The following AGBL4 variants were observed in gnomAD, a reference collection of about 807,000 sequenced individuals.
The protein encoded by AGBL4 is AGBL carboxypeptidase 4.
Under a neutral mutation model 66.4 loss-of-function variants are expected in AGBL4, and 58 were observed. That is an observed-to-expected ratio of 0.87 (90% CI 0.71 to 1.09). The LOEUF is 1.09. Among genes scored for constraint, AGBL4 ranks in the 50% least tolerant of loss-of-function variants. AGBL4 has a pLI of 0.00. For synonymous variants in AGBL4, 234 were observed against 222.9 expected (o/e 1.05, Z -0.44); for missense variants, 579 against 631.0 (o/e 0.92, Z 0.88).
At chr1:49,797,120 T>C (rs1644750706) in intron 2 of AGBL4, among the ~76,000 whole-genome samples, 1 of 152,230 alleles carries the variant, frequency 6.6e-6, no homozygotes, top group South Asian at 2.1e-4. Context: ...GCAAATTTTT[T>C]ATCAACTTTC....
Position 49,635,451 on chromosome 1 carries a change from TA to T in AGBL4, c.282+61861del, listed in dbSNP as rs537404664. Among the ~76,000 whole-genome samples the T allele has an allele frequency of 3.4e-4, 52 of 151,732 alleles. 1 individual carries two copies. In the South Asian group the frequency reaches 9.5e-3, roughly 28 times the overall value. ...ATGTCAAAAGACACCATTTAAAGAA[TA>T]AAAAACAAGCCACAATGTAGAATAA... On this transcript the variant is annotated intron_variant, in intron 3 of 13. Coordinates refer to ENST00000371839, the MANE Select transcript of AGBL4 (RefSeq NM_032785.4).
At chr1:49,763,889 C>T (rs1294161988) in intron 2 of AGBL4, among the ~76,000 whole-genome samples, 1 of 152,130 alleles carries the variant, frequency 6.6e-6, no homozygotes, top group Non-Finnish European at 1.5e-5. Context: ...CAGCAGCAGT[C>T]CTGAGGAGTG....
At chr1:49,155,675 G>A (rs928919785) in intron 4 of AGBL4, among the ~76,000 whole-genome samples, 8 of 152,130 alleles carry the variant, frequency 5.3e-5, no homozygotes, top group Admixed American at 2.0e-4. Flanking sequence ...ATGTCAGGGG[G>A]CATCTTCTCA....
chr1:49,338,022 T>A (rs1229528320), intron 3 of AGBL4, among the ~76,000 whole-genome samples: 1 of 152,198 alleles, frequency 6.6e-6, no homozygotes, highest in East Asian at 1.9e-4. Flanking sequence ...TCAATCTGAA[T>A]CAGTTAAATT....
In AGBL4 at chr1:49,541,316, T is replaced by A. The variant is rs998972271; in HGVS notation, c.282+155997A>T. 1.6e-4 allele frequency among the ~76,000 whole-genome samples: 25 copies of A among 152,176 alleles called. No individual in the cohort carries two copies. The South Asian group carries it at 3.5e-3, about 21-fold the overall frequency. ...GAGGTCAGAGCCGCCTCCCTCTGCT[T>A]GCAGAGAGGTGTGGAGGGAGAGGCG... On this transcript the variant is annotated intron_variant, in intron 3 of 13. Coordinates refer to ENST00000371839, the MANE Select transcript of AGBL4 (RefSeq NM_032785.4).
intron 1 of AGBL4, among the ~76,000 whole-genome samples, chr1:49,882,420 T>G (rs1647479906): frequency 6.6e-6 from 1 of 151,468 alleles, no homozygotes; most frequent in African/African-American, 2.4e-5. Flanking sequence ...TCCAATTCTG[T>G]GAAGAAAGTC....
intron 3 of AGBL4, among the ~76,000 whole-genome samples, chr1:49,514,270 G>A (rs909791695): frequency 1.3e-5 from 2 of 152,016 alleles, no homozygotes; most frequent in South Asian, 4.2e-4. Context: ...AATAGGAGTG[G>A]TGACAGAGGG....
chr1:49,091,628 C>T (rs1055852911), intron 4 of AGBL4, among the ~76,000 whole-genome samples: 3 of 151,978 alleles, frequency 2.0e-5, no homozygotes, highest in Non-Finnish European at 4.4e-5. Flanking sequence ...TGGTGATTTC[C>T]CAAAGAACTT....
intron 6 of AGBL4, among the ~76,000 whole-genome samples, chr1:48,800,655 C>G (rs1161710047): frequency 6.6e-6 from 1 of 152,192 alleles, no homozygotes; most frequent in African/African-American, 2.4e-5. Flanking sequence ...CATAGCACCA[C>G]TTTTGCTGTA....
At chr1:48,872,521 G>T (rs1344334056) in intron 5 of AGBL4, among the ~76,000 whole-genome samples, 5 of 152,134 alleles carry the variant, frequency 3.3e-5, no homozygotes, top group African/African-American at 7.2e-5. Flanking sequence ...GAAAAGCCCA[G>T]CTACTGCAGC....
At chr1:48,611,377 C>T (rs899892570) in intron 9 of AGBL4, among the ~76,000 whole-genome samples, 25 of 152,210 alleles carry the variant, frequency 1.6e-4, no homozygotes, top group Admixed American at 2.0e-4. Context: ...GCTGATCTTG[C>T]CCTGAGGGCA....
chr1:48,714,747 G>A (rs1459798782), intron 6 of AGBL4, among the ~76,000 whole-genome samples: 1 of 152,176 alleles, frequency 6.6e-6, no homozygotes, highest in Non-Finnish European at 1.5e-5. Flanking sequence ...AGGCCTGTGT[G>A]CCCCAGCAGG....
chr1:49,440,450 T>C (rs998823313), intron 3 of AGBL4, among the ~76,000 whole-genome samples: 50 of 152,176 alleles, frequency 3.3e-4, no homozygotes, highest in Non-Finnish European at 3.5e-4. Flanking sequence ...TAAATGCTTT[T>C]GACACTCCTG....
chr1:49,687,413 G>C (rs1291642075), intron 3 of AGBL4, among the ~76,000 whole-genome samples: 1 of 152,078 alleles, frequency 6.6e-6, no homozygotes, highest in African/African-American at 2.4e-5. Flanking sequence ...ATAGTTACTA[G>C]GTTTATTATC....
At chr1:49,468,661 T>A (rs1483616829) in intron 3 of AGBL4, among the ~76,000 whole-genome samples, 2 of 151,978 alleles carry the variant, frequency 1.3e-5, no homozygotes, top group East Asian at 1.9e-4. Flanking sequence ...CAGCATTATT[T>A]TTTTACAATT....
intron 9 of AGBL4, among the ~76,000 whole-genome samples, chr1:48,594,114 T>C (rs949927695): frequency 2.0e-5 from 3 of 152,222 alleles, no homozygotes; most frequent in African/African-American, 4.8e-5. Flanking sequence ...TCACCTGAGG[T>C]AAGGAGTTCA....
intron 4 of AGBL4, among the ~76,000 whole-genome samples, chr1:49,239,505 T>C (rs1372964122): frequency 6.6e-6 from 1 of 152,136 alleles, no homozygotes; most frequent in Non-Finnish European, 1.5e-5. Flanking sequence ...GAAATCATTA[T>C]TATTCAAACA....
intron 6 of AGBL4, among the ~76,000 whole-genome samples, chr1:48,800,926 A>G (rs72681072): frequency 0.022 from 3,403 of 151,702 alleles, 66 homozygotes; most frequent in Non-Finnish European, 0.037. Flanking sequence ...TAGAGAAAAA[A>G]CATCAGGTTG....
At chr1:48,818,250 T>C in intron 6 of AGBL4, 1 of 717,456 alleles carries the variant, frequency 1.4e-6, no homozygotes, top group South Asian at 1.5e-5. Flanking sequence ...TTACAAAGGC[T>C]GTAATTTGCA....
Sources: gnomAD v4.1 joint callset for allele counts (sites outside exome capture counted in the v4.1 genomes callset) on GRCh38, gnomAD v4.1.1 for gene constraint, MANE v1.5 for transcripts, NCBI Gene and HGNC (gene_info 2026-07-23, HGNC 2026-07-21) for gene names.